The following ATAD2B variants were observed in gnomAD, a reference collection of about 807,000 sequenced individuals.
The protein encoded by ATAD2B is ATPase family AAA domain-containing protein 2B.
In ATAD2B, 40 loss-of-function variants were observed where a neutral mutation model predicts 167.6. The ratio of observed to expected loss-of-function variants is 0.24; its 90% CI spans 0.19 to 0.31. ATAD2B has a LOEUF of 0.31. ATAD2B is among the 10% of genes least tolerant of loss of function. The pLI, the probability that ATAD2B is intolerant of heterozygous loss-of-function variation, is 1.00. For synonymous variants in ATAD2B, 579 were observed against 596.5 expected (o/e 0.97, Z 0.43); for missense variants, 1,242 against 1,757.2 (o/e 0.71, Z 5.24).
intron 17 of ATAD2B, among the ~76,000 whole-genome samples, chr2:23,817,810 G>A (rs1162772720): frequency 2.0e-5 from 3 of 151,992 alleles, no homozygotes; most frequent in East Asian, 3.9e-4. Flanking sequence ...CTTATGTAAA[G>A]GAAGCTAAAA....
At chr2:23,778,828 G>A (rs1391650204) in intron 22 of ATAD2B, among the ~76,000 whole-genome samples, 1 of 152,152 alleles carries the variant, frequency 6.6e-6, no homozygotes, top group Non-Finnish European at 1.5e-5. Context: ...TAGGAAATAG[G>A]AGAAATGGGA....
Position 23,828,937 on chromosome 2 carries a change from T to G in ATAD2B, c.1731A>C (p.Ala577=). 6.3e-7 allele frequency: 1 copy of G among 1,592,036 alleles called. No homozygotes were observed. Residue 577 remains alanine (A), a splice_region_variant and synonymous_variant, in exon 15 of 28, where the codon GCA becomes GCC. Transcript: ENST00000238789. ...EFLFNLPDQK[A]RKHILQIHTR... Reference sequence around the variant, plus strand: ...TATGGATCTGTAAGATGTGTTTTCTTGCCTAAGATGAAAAGCACAGATACA... The same window carrying G: ...TATGGATCTGTAAGATGTGTTTTCTGGCCTAAGATGAAAAGCACAGATACA...
intron 1 of ATAD2B, among the ~76,000 whole-genome samples, chr2:23,911,624 G>A (rs1330742413): frequency 1.3e-5 from 2 of 151,976 alleles, no homozygotes; most frequent in African/African-American, 2.4e-5. Context: ...GGGAGGGGGC[G>A]AAGCGAAGCT....
intron 14 of ATAD2B, among the ~76,000 whole-genome samples, chr2:23,829,450 TTTAA>T (rs1688716469): frequency 6.6e-6 from 1 of 152,182 alleles, no homozygotes. Context: ...AGTATTCAAG[TTTAA>T]TTAAATATCA....
At chr2:23,686,882 G>A in the ATAD2B span, among the ~76,000 whole-genome samples, 74 of 152,194 alleles carry the variant, frequency 4.9e-4, no homozygotes, top group Non-Finnish European at 9.3e-4. Flanking sequence ...GCTGAAAGTC[G>A]CCGTGTTCGT....
chr2:23,687,017 A>G, the ATAD2B span, among the ~76,000 whole-genome samples: 1 of 152,084 alleles, frequency 6.6e-6, no homozygotes, highest in East Asian at 1.9e-4. Flanking sequence ...TTGGTGGTCA[A>G]GAGAGAAGCT....
intron 14 of ATAD2B, among the ~76,000 whole-genome samples, chr2:23,830,770 G>T (rs1053862235): frequency 2.6e-5 from 4 of 151,956 alleles, no homozygotes; most frequent in African/African-American, 7.3e-5. Context: ...TCTGTAAGAT[G>T]ACATTAAGAA....
At chr2:23,825,794 T>TA (rs11370273) in intron 15 of ATAD2B, among the ~76,000 whole-genome samples, 142,337 of 152,214 alleles carry the variant, frequency 0.94, 66,641 homozygotes, top group East Asian at 0.99. Context: ...CAGAAACTAT[T>TA]AGGCAAAACA....
chr2:23,835,423 A>G (rs1366207142), intron 13 of ATAD2B, among the ~76,000 whole-genome samples: 2 of 152,242 alleles, frequency 1.3e-5, no homozygotes, highest in Non-Finnish European at 2.9e-5. Flanking sequence ...GCCACATATT[A>G]TATGATTCCA....
At chr2:23,869,808 A>G in intron 8 of ATAD2B, 47 bp from the exon 9 acceptor site, 1 of 1,190,216 alleles carries the variant, frequency 8.4e-7, no homozygotes, top group Admixed American at 2.3e-5. Flanking sequence ...ATAGCAAACA[A>G]CTTTTTAAAA....
intron 1 of ATAD2B, 41 bp from the exon 2 acceptor site, chr2:23,896,011 A>G: frequency 1.3e-6 from 2 of 1,518,642 alleles, no homozygotes; most frequent in Non-Finnish European, 1.8e-6. Flanking sequence ...ATTCCTATTA[A>G]GATAAATAGA....
At chr2:23,822,917 CAAAAAA>C (rs33911389) in intron 16 of ATAD2B, among the ~76,000 whole-genome samples, 67 of 66,320 alleles carry the variant, frequency 1.0e-3, no homozygotes, top group East Asian at 4.0e-3. Flanking sequence ...AACTCCATCT[CAAAAAA>C]AAAAAAAAAA....
Position 23,857,383 on chromosome 2 carries a change from G to A in ATAD2B, c.1568+32C>T, listed in dbSNP as rs778126775. 7 of 1,267,178 alleles carry A rather than the reference G, an allele frequency of 5.5e-6. No individual in the cohort carries two copies. In the Admixed American group the frequency reaches 1.1e-4, roughly 21 times the overall value. The allele number at this position is 1,267,178 out of a possible 1,614,324, so 78.5% of individuals were successfully genotyped here. On this transcript the variant is annotated intron_variant, in intron 13 of 27. Transcript: ENST00000238789. The stretch of plus-strand genomic sequence containing the variant: ...AACTACCAAGTCAATGCGTAAAAAA[G>A]AAATCAAGATAATCAGATAAAGAAA...
chr2:23,685,454 G>C, the ATAD2B span: 2 of 152,286 alleles, frequency 1.3e-5, no homozygotes, highest in East Asian at 1.9e-4. Flanking sequence ...AGCCGGGACT[G>C]TGCTCAGAGG....
intron 21 of ATAD2B, among the ~76,000 whole-genome samples, chr2:23,785,423 C>A (rs569939578): frequency 2.0e-5 from 3 of 152,182 alleles, no homozygotes; most frequent in South Asian, 2.1e-4. Flanking sequence ...TGGAAAATTT[C>A]TTTTCTCATC....
chr2:23,706,562 C>T, the ATAD2B span: 4 of 1,537,216 alleles, frequency 2.6e-6, no homozygotes, highest in South Asian at 4.8e-5. Context: ...ACATGGAGGC[C>T]TACGAGCCCA....
intron 18 of ATAD2B, among the ~76,000 whole-genome samples, chr2:23,801,399 G>A (rs1036453645): frequency 1.3e-5 from 2 of 151,992 alleles, no homozygotes; most frequent in African/African-American, 4.8e-5. Flanking sequence ...GCGGCAACTG[G>A]CTTGGGAACA....
chr2:23,865,985 T>C, intron 10 of ATAD2B: 1 of 930,548 alleles, frequency 1.1e-6, no homozygotes, highest in Non-Finnish European at 1.3e-6. Flanking sequence ...TTGAAAATGT[T>C]TTACAATGAA....
intron 20 of ATAD2B, among the ~76,000 whole-genome samples, chr2:23,788,048 C>A (rs2149413187): frequency 6.6e-6 from 1 of 152,078 alleles, no homozygotes; most frequent in African/African-American, 2.4e-5. Flanking sequence ...TGTAAGGGGT[C>A]CTAAATAAGT....
Sources: gnomAD v4.1 joint callset for allele counts (sites outside exome capture counted in the v4.1 genomes callset) on GRCh38, gnomAD v4.1.1 for gene constraint, MANE v1.5 for transcripts, NCBI Gene and HGNC (gene_info 2026-07-23, HGNC 2026-07-21) for gene names.